COX15: variants seen among roughly 807,000 people sequenced by gnomAD.
The protein encoded by COX15 is cytochrome c oxidase assembly factor COX15, also known as heme A synthase COX15.
COX15 carries 51 observed loss-of-function variants against 51.9 expected under a neutral mutation model. That is an observed-to-expected ratio of 0.98 (90% CI 0.78 to 1.24). The LOEUF (loss-of-function observed/expected upper bound fraction) is 1.24, where lower values mean the gene tolerates loss of function less well. COX15 is among the 50% of genes most tolerant of loss of function. The pLI is 0.00. For synonymous variants in COX15, 188 were observed against 190.5 expected (o/e 0.99, Z 0.11); for missense variants, 420 against 501.1 (o/e 0.84, Z 1.55).
the COX15 span, among the ~76,000 whole-genome samples, chr10:99,694,790 G>T: frequency 1.3e-5 from 2 of 152,094 alleles, no homozygotes; most frequent in African/African-American, 4.8e-5. Flanking sequence ...ACCCTCCTTG[G>T]CCTCCCAAAG....
rs1266559076 is a variant in COX15, at chr10:99,713,498, G to T, written c.*1089C>A. The T allele has an allele frequency of 6.2e-7, 1 of 1,607,662 alleles. No homozygotes were observed. Among genetic ancestry groups the T allele is most frequent in the African/African-American group, 1.3e-5 (1 of 74,854 alleles). ...CAGGGCCCTATGAAATATCAATAGA[G>T]ACCAAAATCACATTAATTCAGCAGT... is the stretch of plus-strand genomic sequence containing the variant. On this transcript the variant is annotated 3_prime_UTR_variant, in exon 9 of 9. Transcript: ENST00000016171.
chr10:99,704,397 C>A, the COX15 span: 1 of 1,558,142 alleles, frequency 6.4e-7, no homozygotes, highest in Non-Finnish European at 8.8e-7. Flanking sequence ...CAGTAAATGT[C>A]TCCCTTTGAA....
downstream of COX15, chr10:99,708,991 C>T: frequency 1.0e-6 from 1 of 985,388 alleles, no homozygotes; most frequent in Non-Finnish European, 1.2e-6. Flanking sequence ...TAGGAATAAA[C>T]TTTGAAAAAA....
intron 6 of COX15, among the ~76,000 whole-genome samples, chr10:99,719,212 T>G (rs1325699126): frequency 6.6e-6 from 1 of 151,950 alleles, no homozygotes; most frequent in Non-Finnish European, 1.5e-5. Context: ...TGGGTCACAC[T>G]CGCTTTTTTC....
intron 7 of COX15, 94 bp downstream of exon 7, chr10:99,718,252 A>T: frequency 7.4e-7 from 1 of 1,349,608 alleles, no homozygotes; most frequent in Non-Finnish European, 1.1e-6. Context: ...TTCCTGCTCT[A>T]CCCTCTCAGT....
At chr10:99,698,908 G>T in the COX15 span, 1 of 1,518,736 alleles carries the variant, frequency 6.6e-7, no homozygotes, top group South Asian at 1.3e-5. Context: ...GCCATTTATT[G>T]AATGCCTCAC....
chr10:99,713,989 T>A lies in COX15; in HGVS notation c.*598A>T, dbSNP rs1225421724. On this transcript the variant is annotated 3_prime_UTR_variant, in exon 9 of 9. Coordinates refer to ENST00000016171, the MANE Select transcript of COX15 (RefSeq NM_078470.6). ...TCTGTCTCAAAAAAAAAAAAAAAAA[T>A]GGAACTATTTGGCGATTACCTCCTT... is the stretch of plus-strand genomic sequence containing the variant. 2.2e-4 allele frequency: 208 copies of A among 950,078 alleles called. No individual in the cohort carries two copies. The African/African-American group carries it at 2.9e-3, about 13-fold the overall frequency. 58.9% of individuals were successfully genotyped at this position (950,078 alleles called of 1,614,324 possible).
Position 99,714,580 on chromosome 10 carries a change from C to CT in COX15, c.*6dup. ...GTCACAGTCCCAGGAGGCTGGTCCT[C>CT]TAAGAATCATTTTGGGACTCTTCGG... On this transcript the variant is annotated 3_prime_UTR_variant, in exon 9 of 9. Transcript: ENST00000016171. 1 of 1,614,046 alleles carries CT rather than the reference C, an allele frequency of 6.2e-7. No individual in the cohort carries two copies. The highest frequency in any genetic ancestry group is 8.5e-7 in the Non-Finnish European group (1 of 1,179,976).
chr10:99,701,059 G>A, the COX15 span: 15 of 1,612,926 alleles, frequency 9.3e-6, no homozygotes, highest in South Asian at 6.6e-5. Flanking sequence ...ATCGACTCAA[G>A]TAAGTTACTT....
the COX15 span, chr10:99,698,860 T>C: frequency 6.3e-7 from 1 of 1,586,050 alleles, no homozygotes; most frequent in East Asian, 2.2e-5. Flanking sequence ...GCTGCTCAGG[T>C]AAATTATTAA....
At chr10:99,706,010 A>G (rs2036243596), downstream of COX15, 1 of 152,164 alleles carries the variant, frequency 6.6e-6, no homozygotes, top group Middle Eastern at 3.2e-3. Context: ...GTAGCCTTGA[A>G]TGTCCTTTCC....
At chr10:99,700,917 A>G in the COX15 span, 238 of 1,367,932 alleles carry the variant, frequency 1.7e-4, no homozygotes, top group East Asian at 4.9e-3. Flanking sequence ...ACTGTGGGGA[A>G]GGTAGAGAGT....
At chr10:99,702,592 G>A in the COX15 span, 22 of 1,613,410 alleles carry the variant, frequency 1.4e-5, no homozygotes, top group African/African-American at 4.0e-5. Context: ...CCAAACCTGC[G>A]GACAGCCCAG....
chr10:99,724,330 G>A (rs2036876913), intron 4 of COX15, among the ~76,000 whole-genome samples: 1 of 151,954 alleles, frequency 6.6e-6, no homozygotes, highest in Admixed American at 6.6e-5. Context: ...CTACAGTTGC[G>A]CATCACCACG....
chr10:99,711,286 T>G lies in COX15; in HGVS notation c.*3301A>C, dbSNP rs2036375458. ...TTCCTTGGAGGCAACTGTAGAAGCA[T>G]TAATATATGGTTCTTTGGGTTGGGT... On this transcript the variant is annotated 3_prime_UTR_variant, in exon 9 of 9. Transcript: ENST00000016171. 1.0e-6 allele frequency: 1 copy of G among 985,422 alleles called. No homozygotes were observed. Among genetic ancestry groups the G allele is most frequent in the Non-Finnish European group, 1.2e-6 (1 of 829,920 alleles). 61.0% of individuals were successfully genotyped at this position (985,422 alleles called of 1,614,324 possible).
At chr10:99,699,917 C>A in the COX15 span, among the ~76,000 whole-genome samples, 1 of 151,818 alleles carries the variant, frequency 6.6e-6, no homozygotes, top group East Asian at 1.9e-4. Context: ...CCCTGCCTAC[C>A]TTTCTCTTTC....
chr10:99,717,055 A>C (rs1259642894), intron 7 of COX15, among the ~76,000 whole-genome samples: 2 of 152,172 alleles, frequency 1.3e-5, no homozygotes, highest in African/African-American at 2.4e-5. Flanking sequence ...GCTGTCCACA[A>C]TGACAATTTC....
At chr10:99,705,680 A>G in the COX15 span, 1 of 152,274 alleles carries the variant, frequency 6.6e-6, no homozygotes, top group East Asian at 1.9e-4. Context: ...CAATAAAATC[A>G]AAGTTCTTAT....
At chr10:99,720,683 G>T (rs564401829) in intron 6 of COX15, among the ~76,000 whole-genome samples, 1 of 152,154 alleles carries the variant, frequency 6.6e-6, no homozygotes, top group African/African-American at 2.4e-5. Context: ...TATAGATAAG[G>T]TCTCTAAGGC....
Sources: gnomAD v4.1 joint callset for allele counts (sites outside exome capture counted in the v4.1 genomes callset) on GRCh38, gnomAD v4.1.1 for gene constraint, MANE v1.5 for transcripts, NCBI Gene and HGNC (gene_info 2026-07-23, HGNC 2026-07-21) for gene names.